Variants in MGAM2 observed in about 807,000 individuals in gnomAD.
MGAM2 encodes maltase-glucoamylase 2 (putative), also known as probable maltase-glucoamylase 2.
MGAM2 carries 98 observed loss-of-function variants against 96.1 expected under a neutral mutation model. That is an observed-to-expected ratio of 1.02 (90% CI 0.87 to 1.21). The LOEUF (loss-of-function observed/expected upper bound fraction) is 1.21, where lower values mean the gene tolerates loss of function less well. MGAM2 is among the 50% of genes most tolerant of loss of function. The pLI is 0.00. For synonymous variants in MGAM2, 749 were observed against 414.8 expected (o/e 1.81, Z -9.79); for missense variants, 2,055 against 1,182.4 (o/e 1.74, Z -10.82).
chr7:142,151,787 T>A (rs1585166629), intron 15 of MGAM2, among the ~76,000 whole-genome samples: 1 of 151,250 alleles, frequency 6.6e-6, no homozygotes, highest in Middle Eastern at 3.4e-3. Context: ...AAATAGTAGG[T>A]GTCTTTCTAA....
At chr7:142,174,449 A>G (rs1024245836) in intron 31 of MGAM2, among the ~76,000 whole-genome samples, 3 of 152,000 alleles carry the variant, frequency 2.0e-5, no homozygotes, top group Admixed American at 1.3e-4. Flanking sequence ...ATGGGAGTTC[A>G]TTTGTGGTTT....
At chr7:142,174,684 A>G (rs540442632) in intron 31 of MGAM2, among the ~76,000 whole-genome samples, 4 of 130,596 alleles carry the variant, frequency 3.1e-5, no homozygotes, top group Admixed American at 7.9e-5. Context: ...CTCTTTTCCT[A>G]TCTAAATGCC....
Position 142,148,101 on chromosome 7 carries a change from GCA to G in MGAM2, c.1634+536_1634+537del, listed in dbSNP as rs998553998. 6.0e-5 allele frequency among the ~76,000 whole-genome samples: 9 copies of G among 151,140 alleles called. No homozygotes were observed. Among genetic ancestry groups the G allele is most frequent in the Non-Finnish European group, 8.9e-5 (6 of 67,712 alleles). On this transcript the variant is annotated intron_variant, in intron 15 of 47. Transcript: ENST00000477922. This position sits in a 1 kb window ranked among gnomAD's most constrained non-coding sequence, Gnocchi z 4.2. The stretch of plus-strand genomic sequence containing the variant: ...CTTCTGCCCTAAGACACACACACAT[GCA>G]CACACACGTGCACACACAACTATCA...
intron 3 of MGAM2, among the ~76,000 whole-genome samples, chr7:142,123,070 C>G (rs974983653): frequency 6.6e-6 from 1 of 152,164 alleles, no homozygotes; most frequent in Non-Finnish European, 1.5e-5. Context: ...AATCCACCCC[C>G]TTCAGCCTCC....
chr7:142,174,715 C>CTTCTTT (rs1796310748), intron 31 of MGAM2, among the ~76,000 whole-genome samples: 1 of 85,460 alleles, frequency 1.2e-5, no homozygotes, highest in Non-Finnish European at 2.1e-5. Context: ...CTCTCTCTCT[C>CTTCTTT]TTTTTTTTTT....
Position 142,145,463 on chromosome 7 carries a change from C to A in MGAM2, c.1516+518C>A, listed in dbSNP as rs150965445. Among the ~76,000 whole-genome samples the A allele has an allele frequency of 3.2e-3, 487 of 152,122 alleles. 2 individuals are homozygous for A. The highest frequency in any genetic ancestry group is 5.4e-3 in the Non-Finnish European group (370 of 68,004). ...ACAACAGTTTAAAGCATCAGTGGTG[C>A]CTTCAAGGTCCCATTTATAGGTCCC... is the stretch of plus-strand genomic sequence containing the variant. On this transcript the variant is annotated intron_variant, in intron 14 of 47. Transcript: ENST00000477922.
Position 142,222,276 on chromosome 7 carries a change from G to A in MGAM2, c.*217G>A. 2.7e-6 allele frequency: 1 copy of A among 375,684 alleles called. No individual in the cohort carries two copies. 23.3% of individuals were successfully genotyped at this position (375,684 alleles called of 1,614,324 possible). ...AAACCTTATAGGTTTCACCAAAGAAGCTGTGGGTACTTATTTTGCAACCAT... is the reference window on the plus strand; with the variant it reads ...AAACCTTATAGGTTTCACCAAAGAAACTGTGGGTACTTATTTTGCAACCAT... On this transcript the variant is annotated 3_prime_UTR_variant, in exon 48 of 48. Coordinates refer to ENST00000477922, the MANE Select transcript of MGAM2 (RefSeq NM_001293626.2).
rs12672171 is a variant in MGAM2, at chr7:142,127,794, C to A, written c.187-3154C>A. 1.8e-4 allele frequency among the ~76,000 whole-genome samples: 28 copies of A among 152,302 alleles called. No homozygotes were observed. The East Asian group carries it at 5.0e-3, about 27-fold the overall frequency. ...GTGAGGCCTCCCCAGCCATGTGGAACTGTGAGTCCATTAAATGTCTTTCCT... is the reference window on the plus strand; with the variant it reads ...GTGAGGCCTCCCCAGCCATGTGGAAATGTGAGTCCATTAAATGTCTTTCCT... On this transcript the variant is annotated intron_variant, in intron 3 of 47. Transcript: ENST00000477922.
chr7:142,202,325 C>A (rs1797263624), intron 45 of MGAM2, among the ~76,000 whole-genome samples: 1 of 152,098 alleles, frequency 6.6e-6, no homozygotes, highest in East Asian at 1.9e-4. Context: ...ATAATTTCAA[C>A]TTTTATTTTA....
chr7:142,207,893 T>A (rs1797458268), intron 45 of MGAM2, among the ~76,000 whole-genome samples: 1 of 152,078 alleles, frequency 6.6e-6, no homozygotes, highest in Non-Finnish European at 1.5e-5. Flanking sequence ...TGGAATAAAT[T>A]CTACAGAGGC....
At chr7:142,212,763 T>C (rs1797627363) in intron 46 of MGAM2, among the ~76,000 whole-genome samples, 1 of 152,088 alleles carries the variant, frequency 6.6e-6, no homozygotes. Context: ...ACTGTCAATA[T>C]TAGACAGATC....
intron 26 of MGAM2, among the ~76,000 whole-genome samples, chr7:142,168,978 C>T (rs1348128557): frequency 6.6e-6 from 1 of 152,178 alleles, no homozygotes; most frequent in African/African-American, 2.4e-5. Flanking sequence ...TTGCTTTCCA[C>T]ATTTTAATGT....
intron 46 of MGAM2, among the ~76,000 whole-genome samples, chr7:142,212,051 A>T (rs927899609): frequency 1.3e-5 from 2 of 152,236 alleles, no homozygotes; most frequent in Non-Finnish European, 2.9e-5. Flanking sequence ...ATTCTTAAAG[A>T]AAAGAATTTT....
chr7:142,207,644 C>T (rs191453955), intron 45 of MGAM2, among the ~76,000 whole-genome samples: 15 of 151,986 alleles, frequency 9.9e-5, no homozygotes, highest in South Asian at 4.2e-4. Flanking sequence ...TTAGCCAGGA[C>T]GGTCTCGAGC....
chr7:142,162,418 G>A (rs150002551), intron 23 of MGAM2, among the ~76,000 whole-genome samples: 59 of 152,036 alleles, frequency 3.9e-4, no homozygotes, highest in African/African-American at 1.3e-3. Flanking sequence ...ATAAAGTAGC[G>A]GCTTTTAAAG....
rs1379671346 is a variant in MGAM2, at chr7:142,197,500, A to G, written c.4733A>G (p.His1578Arg). Reference sequence around the variant, plus strand: ...CTTCCTTATCTCTATACTCTGATGCATAAAGCTCACGTTGAGGGCAGCACA... The same window carrying G: ...CTTCCTTATCTCTATACTCTGATGCGTAAAGCTCACGTTGAGGGCAGCACA... ...TLLPYLYTLMHKAHVEGSTVV... is the reference protein window; with the variant it reads ...TLLPYLYTLMRKAHVEGSTVV... Residue 1578 changes from histidine to arginine, a missense_variant, in exon 41 of 48, where the codon CAT (histidine) becomes CGT (arginine). Transcript: ENST00000477922. The G allele has an allele frequency of 2.8e-6, 2 of 703,178 alleles. No homozygotes were observed. Among genetic ancestry groups the G allele is most frequent in the African/African-American group, 1.7e-5 (1 of 57,388 alleles). 43.6% of individuals were successfully genotyped at this position (703,178 alleles called of 1,614,324 possible). A position where few individuals can be genotyped will look rare whatever the true frequency, so the allele number is the denominator to read the frequency against.
At position 142,196,235 on chromosome 7, in the gene MGAM2, C is replaced by T; in HGVS notation, c.4428C>T (p.His1476=). 3 of 972,930 alleles carry T rather than the reference C, an allele frequency of 3.1e-6. No individual in the cohort carries two copies. The highest frequency in any genetic ancestry group is 4.9e-6 in the Non-Finnish European group (3 of 617,892). 60.3% of individuals were successfully genotyped at this position (972,930 alleles called of 1,614,324 possible). A position where few individuals can be genotyped will look rare whatever the true frequency, so the allele number is the denominator to read the frequency against. The stretch of plus-strand genomic sequence containing the variant: ...CCTCTTCTGGACGCTGGGGAGGACA[C>T]CGGTTGGGAAACAACACAGCTGCAT... ...TFPSSGRWGG[H]RLGNNTAAWD... The change falls in exon 38 of 48, where the codon CAC becomes CAT. Residue 1476 remains histidine (H), a synonymous_variant. Coordinates refer to ENST00000477922, the MANE Select transcript of MGAM2 (RefSeq NM_001293626.2).
intron 7 of MGAM2, 90 bp from the exon 8 acceptor site, chr7:142,136,451 A>G: frequency 2.0e-6 from 1 of 491,040 alleles, no homozygotes; most frequent in Non-Finnish European, 3.6e-6. Context: ...GACCAAGTAT[A>G]TGTTATAGAT....
chr7:142,137,673 T>G, intron 9 of MGAM2, 128 bp downstream of exon 9: 1 of 454,622 alleles, frequency 2.2e-6, no homozygotes, highest in Non-Finnish European at 3.9e-6. Context: ...TAGTGAGTCT[T>G]TCATCTATTG....
Sources: gnomAD v4.1 joint callset for allele counts (sites outside exome capture counted in the v4.1 genomes callset) on GRCh38, gnomAD v4.1.1 for gene constraint, Gnocchi (gnomAD v3.1) non-coding constraint, MANE v1.5 for transcripts, NCBI Gene and HGNC (gene_info 2026-07-23, HGNC 2026-07-21) for gene names.